Variants in HBEGF observed in about 807,000 individuals in gnomAD.
HBEGF encodes the protein proheparin-binding EGF-like growth factor.
In HBEGF, 8 loss-of-function variants were observed where a neutral mutation model predicts 19.5. The observed-to-expected ratio is 0.41, with a 90% CI of 0.24 to 0.74. HBEGF has a LOEUF of 0.74. Among genes scored for constraint, HBEGF ranks in the 30% least tolerant of loss-of-function variants. HBEGF has a pLI of 0.32. For synonymous variants in HBEGF, 97 were observed against 108.9 expected (o/e 0.89, Z 0.68); for missense variants, 207 against 256.9 (o/e 0.81, Z 1.33).
intron 2 of HBEGF, among the ~76,000 whole-genome samples, chr5:140,343,999 G>C (rs4150207): frequency 2.6e-5 from 4 of 152,146 alleles, no homozygotes; most frequent in Non-Finnish European, 5.9e-5. Context: ...TTAGCCGGGC[G>C]TGGTGGTGTG....
Position 140,346,458 on chromosome 5 carries a change from G to C in HBEGF, c.-130C>G. On this transcript the variant is annotated 5_prime_UTR_variant, in exon 1 of 6. Transcript: ENST00000230990. The surrounding 1 kb of genome is among the most constrained non-coding windows in gnomAD (Gnocchi z 6.1). The stretch of plus-strand genomic sequence containing the variant: ...GGCACCGTCTGCCGCCCGCCTCTGC[G>C]TGCAAGCCTGGCCGGGACCCAGGCG... The C allele has an allele frequency of 1.0e-6, 1 of 994,976 alleles. No homozygotes were observed. The highest frequency in any genetic ancestry group is 1.6e-5 in the African/African-American group (1 of 62,210). The allele number at this position is 994,976 out of a possible 1,614,324, so 61.6% of individuals were successfully genotyped here. A position where few individuals can be genotyped will look rare whatever the true frequency, so the allele number is the denominator to read the frequency against.
chr5:140,342,867 G>C lies in HBEGF; in HGVS notation c.221-55C>G, dbSNP rs1766336554. 3.2e-6 allele frequency: 5 copies of C among 1,563,928 alleles called. No individual in the cohort carries two copies. The Admixed American group carries it at 6.7e-5, about 21-fold the overall frequency. The stretch of plus-strand genomic sequence containing the variant: ...TGACTCTTTGGGAAGAAAATCAGAA[G>C]AGCATAGTGCTTGAAAGGAGTATAT... On this transcript the variant is annotated intron_variant, in intron 2 of 5. Transcript: ENST00000230990.
intron 2 of HBEGF, chr5:140,343,045 G>A (rs1022607372): frequency 3.8e-6 from 2 of 523,608 alleles, no homozygotes; most frequent in East Asian, 6.1e-5. Context: ...CCCAAGGAAG[G>A]CATTTCACAG....
At chr5:140,343,566 A>T (rs1428450571) in intron 2 of HBEGF, among the ~76,000 whole-genome samples, 1 of 152,224 alleles carries the variant, frequency 6.6e-6, no homozygotes, top group Non-Finnish European at 1.5e-5. Flanking sequence ...TGTACAAGGG[A>T]TAGAAAAATG....
At chr5:140,334,810 A>G (rs1766203259) in intron 4 of HBEGF, 62 bp from the exon 5 acceptor site, 1 of 1,314,288 alleles carries the variant, frequency 7.6e-7, no homozygotes, top group Non-Finnish European at 1.1e-6. Context: ...GGTCCAGAGC[A>G]GGTCCTTCCA....
At chr5:140,344,508 C>T (rs1317926706) in intron 2 of HBEGF, among the ~76,000 whole-genome samples, 2 of 152,114 alleles carry the variant, frequency 1.3e-5, no homozygotes, top group Non-Finnish European at 2.9e-5. Context: ...GCCTAGAACA[C>T]AGTAGGAATT....
At chr5:140,341,693 A>C (rs1766314049) in intron 3 of HBEGF, among the ~76,000 whole-genome samples, 1 of 152,228 alleles carries the variant, frequency 6.6e-6, no homozygotes, top group Admixed American at 6.5e-5. Context: ...CAGTGTGCAT[A>C]CAACAGTCTC....
chr5:140,336,828 C>CTTTTTTT, intron 3 of HBEGF, among the ~76,000 whole-genome samples: 255 of 129,740 alleles, frequency 2.0e-3, no homozygotes, highest in African/African-American at 3.5e-3. Flanking sequence ...TTTTCTTTTT[C>CTTTTTTT]TTTTTTTTTT....
chr5:140,335,461 G>A (rs1766214972), intron 4 of HBEGF, among the ~76,000 whole-genome samples: 1 of 151,914 alleles, frequency 6.6e-6, no homozygotes, highest in Non-Finnish European at 1.5e-5. Context: ...AGCATACCTG[G>A]ATTAGAAAGC....
intron 3 of HBEGF, among the ~76,000 whole-genome samples, chr5:140,339,247 G>C (rs930122775): frequency 2.0e-5 from 3 of 152,126 alleles, no homozygotes; most frequent in African/African-American, 7.2e-5. Flanking sequence ...AGGCCAAGTA[G>C]AGCCCCCTAG....
At chr5:140,336,735 C>T (rs1438706345) in intron 3 of HBEGF, among the ~76,000 whole-genome samples, 3 of 152,238 alleles carry the variant, frequency 2.0e-5, no homozygotes, top group Admixed American at 2.0e-4. Context: ...CCCAGCTGCC[C>T]TGCCAGAGCA....
chr5:140,342,806 A>G lies in HBEGF; in HGVS notation c.227T>C (p.Leu76Ser). The change falls in exon 3 of 6, where the codon TTA (leucine) becomes TCA (serine). Residue 76 changes from leucine (L) to serine (S), a missense_variant. This residue lies in a region of HBEGF where 127 missense variants were observed against 132.7 expected (regional missense o/e 0.96). Transcript: ENST00000230990. ...GGCCAGTGCTTGTGGCTTGGAGGAT[A>G]AAGTGACTGTAGGAGAAAAGCACTC... is the stretch of plus-strand genomic sequence containing the variant. ...EADLDLLRVT[L>S]SSKPQALATP... 1 of 1,614,180 alleles carries G rather than the reference A, an allele frequency of 6.2e-7. No individual in the cohort carries two copies. The highest frequency in any genetic ancestry group is 8.5e-7 in the Non-Finnish European group (1 of 1,180,000).
intron 5 of HBEGF, 109 bp downstream of exon 5, chr5:140,334,549 C>T: frequency 2.6e-6 from 2 of 778,076 alleles, no homozygotes; most frequent in Non-Finnish European, 4.6e-6. Context: ...ATTAATGTCA[C>T]AGTAGCCTGG....
intron 3 of HBEGF, among the ~76,000 whole-genome samples, chr5:140,340,389 G>A (rs1234216564): frequency 6.6e-6 from 1 of 151,940 alleles, no homozygotes; most frequent in Non-Finnish European, 1.5e-5. Flanking sequence ...AGACCAGCCT[G>A]GCCAACACGG....
At chr5:140,343,009 G>A (rs905272581) in intron 2 of HBEGF, 197 bp from the exon 3 acceptor site, 9 of 595,588 alleles carry the variant, frequency 1.5e-5, no homozygotes, top group Non-Finnish European at 2.4e-5. Context: ...AGGGAACCTC[G>A]GTAGGAAGTA....
At chr5:140,335,762 T>TTAAAAAA in intron 4 of HBEGF, 110 bp downstream of exon 4, 1 of 1,175,512 alleles carries the variant, frequency 8.5e-7, no homozygotes, top group South Asian at 1.5e-5. Flanking sequence ...AGCTAGCCCA[T>TTAAAAAA]GATTTGGAAA....
chr5:140,341,851 C>T (rs1766318044), intron 3 of HBEGF, among the ~76,000 whole-genome samples: 2 of 152,178 alleles, frequency 1.3e-5, no homozygotes, highest in Admixed American at 6.5e-5. Flanking sequence ...GTGCTGTCAT[C>T]CCTGAGGGGT....
chr5:140,336,599 C>T (rs1258903857), intron 3 of HBEGF, among the ~76,000 whole-genome samples: 1 of 148,466 alleles, frequency 6.7e-6, no homozygotes, highest in Admixed American at 6.7e-5. Flanking sequence ...CTTCATTTAA[C>T]TCCAGCTCCC....
chr5:140,341,811 G>C (rs1766317144), intron 3 of HBEGF, among the ~76,000 whole-genome samples: 1 of 152,172 alleles, frequency 6.6e-6, no homozygotes, highest in Admixed American at 6.5e-5. Context: ...AGGCACAGTG[G>C]CAACATTATG....
Sources: gnomAD v4.1 joint callset for allele counts (sites outside exome capture counted in the v4.1 genomes callset) on GRCh38, gnomAD v4.1.1 for gene constraint, gnomAD v4.1.1 regional missense constraint, Gnocchi (gnomAD v3.1) non-coding constraint, MANE v1.5 for transcripts, NCBI Gene and HGNC (gene_info 2026-07-23, HGNC 2026-07-21) for gene names.